FHIT: variants seen among roughly 807,000 people sequenced by gnomAD.
FHIT encodes the protein bis(5'-adenosyl)-triphosphatase.
FHIT carries 19 observed loss-of-function variants against 17.9 expected under a neutral mutation model. The observed-to-expected ratio is 1.06, with a 90% CI of 0.74 to 1.56. The LOEUF is 1.56. Ranked by LOEUF, FHIT falls within the 40% of genes most tolerant of loss-of-function variation. The pLI is 0.00. For synonymous variants in FHIT, 81 were observed against 69.7 expected (o/e 1.16, Z -0.81); for missense variants, 248 against 189.2 (o/e 1.31, Z -1.82).
chr3:60,878,006 C>G (rs1704750489), intron 3 of FHIT, among the ~76,000 whole-genome samples: 1 of 152,102 alleles, frequency 6.6e-6, no homozygotes, highest in African/African-American at 2.4e-5. Flanking sequence ...TCTCAGGGAC[C>G]TAAGCTGCCA....
At chr3:61,004,465 T>G (rs141179877) in intron 3 of FHIT, among the ~76,000 whole-genome samples, 1 of 152,142 alleles carries the variant, frequency 6.6e-6, no homozygotes, top group Admixed American at 6.5e-5. Context: ...GGGTAGTATG[T>G]AGGAAAACCA....
At chr3:59,956,620 A>T (rs181683575) in intron 7 of FHIT, among the ~76,000 whole-genome samples, 109 of 152,284 alleles carry the variant, frequency 7.2e-4, no homozygotes, top group African/African-American at 2.4e-3. Flanking sequence ...GTGAGCCAAG[A>T]TCGCGCCACT....
chr3:61,241,776 A>G (rs377112882), intron 1 of FHIT, among the ~76,000 whole-genome samples: 8 of 152,320 alleles, frequency 5.3e-5, no homozygotes, highest in African/African-American at 1.9e-4. Flanking sequence ...AATCCTGAAA[A>G]TGTGTATCTT....
In FHIT at chr3:61,069,821, G is replaced by A. The variant is rs139920383; in HGVS notation, c.-163-27722C>T. On this transcript the variant is annotated intron_variant, in intron 2 of 9. Transcript: ENST00000492590. ...AGTCCTCTTCAAAATGAAGATTGCA[G>A]GAGAATCAAGCTTCAGTCAGATCTA... Among the ~76,000 whole-genome samples the A allele has an allele frequency of 4.1e-4, 62 of 152,302 alleles. 1 individual carries two copies. Among genetic ancestry groups the A allele is most frequent in the African/African-American group, 1.4e-3 (60 of 41,568 alleles).
chr3:61,129,528 G>C (rs964409848), intron 2 of FHIT, among the ~76,000 whole-genome samples: 1 of 152,166 alleles, frequency 6.6e-6, no homozygotes, highest in African/African-American at 2.4e-5. Context: ...GCCCAGGAGA[G>C]ATGCTGAATT....
intron 5 of FHIT, among the ~76,000 whole-genome samples, chr3:60,402,019 A>T (rs913263782): frequency 6.6e-6 from 1 of 152,006 alleles, no homozygotes; most frequent in African/African-American, 2.4e-5. Flanking sequence ...CATGGCCCTA[A>T]CTCCAGACAC....
intron 3 of FHIT, among the ~76,000 whole-genome samples, chr3:60,892,873 T>C (rs1458835083): frequency 6.6e-6 from 1 of 152,176 alleles, no homozygotes; most frequent in Non-Finnish European, 1.5e-5. Flanking sequence ...TATGTTAAAA[T>C]ATCCATGCAT....
intron 5 of FHIT, among the ~76,000 whole-genome samples, chr3:60,025,113 T>C (rs927915479): frequency 6.6e-6 from 1 of 152,142 alleles, no homozygotes; most frequent in African/African-American, 2.4e-5. Flanking sequence ...TGAAGAGTGA[T>C]GTAATTTTGA....
chr3:61,092,660 T>G (rs1004350682), intron 2 of FHIT, among the ~76,000 whole-genome samples: 1 of 152,146 alleles, frequency 6.6e-6, no homozygotes, highest in Non-Finnish European at 1.5e-5. Flanking sequence ...AAAAGTTATC[T>G]GAAGATGATT....
chr3:60,390,899 G>T (rs1352024334), intron 5 of FHIT, among the ~76,000 whole-genome samples: 1 of 152,126 alleles, frequency 6.6e-6, no homozygotes, highest in African/African-American at 2.4e-5. Context: ...GCTACAATAA[G>T]CTGGGCACAG....
intron 5 of FHIT, among the ~76,000 whole-genome samples, chr3:60,516,414 G>C (rs2035159422): frequency 6.6e-6 from 1 of 152,126 alleles, no homozygotes; most frequent in Non-Finnish European, 1.5e-5. Context: ...ATAGGAAGAA[G>C]TTGGCCTCAT....
At position 60,044,569 on chromosome 3, in the gene FHIT, AAAGAAC is replaced by A. The variant is rs1223149265; in HGVS notation, c.104-30423_104-30418del. On this transcript the variant is annotated intron_variant, in intron 5 of 9. Transcript: ENST00000492590. ...GGAAGAGAAGAAGGAAGAGGAGGAG[AAAGAAC>A]AACAATGATATCATGGTAAAGGCCT... Among the ~76,000 whole-genome samples, 1,311 of 152,268 alleles carry A rather than the reference AAAGAAC, an allele frequency of 8.6e-3. 30 individuals are homozygous for A. Among genetic ancestry groups the A allele is most frequent in the South Asian group, 0.071 (343 of 4,822 alleles).
intron 4 of FHIT, among the ~76,000 whole-genome samples, chr3:60,569,755 A>ATATATATATATT: frequency 0.052 from 4,054 of 77,252 alleles, 169 homozygotes; most frequent in Admixed American, 0.074. Flanking sequence ...ATATATATAT[A>ATATATATATATT]TTTTTTTTTT....
rs536316173 is a variant in FHIT, at chr3:60,038,379, A to G, written c.104-24227T>C. Reference sequence around the variant, plus strand: ...CCTATTATATTAGGAATAATGTTATATATTTTATCTAAGAGTCTGATAACA... The same window carrying G: ...CCTATTATATTAGGAATAATGTTATGTATTTTATCTAAGAGTCTGATAACA... On this transcript the variant is annotated intron_variant, in intron 5 of 9. Coordinates refer to ENST00000492590, the MANE Select transcript of FHIT (RefSeq NM_002012.4). 9.8e-5 allele frequency among the ~76,000 whole-genome samples: 15 copies of G among 152,336 alleles called. No individual in the cohort carries two copies. In the East Asian group the frequency reaches 1.9e-3, roughly 20 times the overall value.
At chr3:60,604,072 T>C (rs149562872) in intron 4 of FHIT, among the ~76,000 whole-genome samples, 2 of 152,280 alleles carry the variant, frequency 1.3e-5, no homozygotes, top group African/African-American at 2.4e-5. Flanking sequence ...CATTCTTCAG[T>C]AGGAAGTACT....
rs571538220 is a variant in FHIT, at chr3:60,050,522, T to G, written c.104-36370A>C. On this transcript the variant is annotated intron_variant, in intron 5 of 9. Coordinates refer to ENST00000492590, the MANE Select transcript of FHIT (RefSeq NM_002012.4). ...TGAACAAAACTGAAGACTTTCTTAC[T>G]GAAAGAATGTATGTGCATAAAATAC... 4.5e-4 allele frequency among the ~76,000 whole-genome samples: 69 copies of G among 152,304 alleles called. 1 individual carries two copies. Among genetic ancestry groups the G allele is most frequent in the African/African-American group, 1.4e-3 (60 of 41,564 alleles).
At chr3:60,025,735 A>G (rs77688191) in intron 5 of FHIT, among the ~76,000 whole-genome samples, 24,869 of 114,828 alleles carry the variant, frequency 0.22, 2,827 homozygotes, top group African/African-American at 0.45. Flanking sequence ...ATTCTACCAG[A>G]AAAAAAAAAA....
At chr3:60,743,157 T>C (rs1473733843) in intron 4 of FHIT, among the ~76,000 whole-genome samples, 5 of 152,222 alleles carry the variant, frequency 3.3e-5, no homozygotes, top group Non-Finnish European at 4.4e-5. Flanking sequence ...GCTGGGCAAC[T>C]GGCTGAGGTC....
intron 5 of FHIT, among the ~76,000 whole-genome samples, chr3:60,242,861 A>G (rs1250883777): frequency 6.6e-6 from 1 of 152,004 alleles, no homozygotes. Context: ...AAACACATAC[A>G]CATATGTGAA....
Sources: allele counts gnomAD v4.1 joint callset (sites outside exome capture counted in the v4.1 genomes callset), GRCh38; gene constraint gnomAD v4.1.1; transcripts MANE v1.5; gene names NCBI Gene and HGNC (gene_info 2026-07-23, HGNC 2026-07-21).